Variants in THADA observed in about 807,000 individuals in gnomAD.
THADA encodes the protein THADA armadillo repeat containing, also known as tRNA (32-2'-O)-methyltransferase regulator THADA.
In THADA, 213 loss-of-function variants were observed where a neutral mutation model predicts 219.8. The ratio of observed to expected loss-of-function variants is 0.97; its 90% CI spans 0.87 to 1.09. THADA has a LOEUF of 1.09. THADA is among the 50% of genes least tolerant of loss of function. The pLI, the probability that THADA is intolerant of heterozygous loss-of-function variation, is 0.00. For synonymous variants in THADA, 1,018 were observed against 828.9 expected, an observed-to-expected ratio of 1.23 and a Z score of -3.92; for missense variants, 2,956 against 2,311.3, an observed-to-expected ratio of 1.28 and a Z score of -5.72.
At chr2:43,394,882 T>TTC (rs1248420967) in intron 29 of THADA, among the ~76,000 whole-genome samples, 2 of 152,222 alleles carry the variant, frequency 1.3e-5, no homozygotes, top group Non-Finnish European at 2.9e-5. Flanking sequence ...CAACAAGCCC[T>TTC]TCATCCCACC....
chr2:43,567,403 G>A (rs1397365494), intron 14 of THADA, among the ~76,000 whole-genome samples: 3 of 152,146 alleles, frequency 2.0e-5, no homozygotes, highest in Non-Finnish European at 2.9e-5. Context: ...GCCGAGGTGG[G>A]CAGATCACCT....
intron 26 of THADA, among the ~76,000 whole-genome samples, chr2:43,432,723 G>C (rs1002039345): frequency 6.6e-6 from 1 of 152,086 alleles, no homozygotes; most frequent in African/African-American, 2.4e-5. Flanking sequence ...CCATCCTTGT[G>C]GGTATGCAAC....
intron 26 of THADA, among the ~76,000 whole-genome samples, chr2:43,458,805 T>G: frequency 6.6e-6 from 1 of 152,208 alleles, no homozygotes; most frequent in East Asian, 1.9e-4. Context: ...TTGAGATTCC[T>G]AAAGGGGGAT....
intron 29 of THADA, among the ~76,000 whole-genome samples, chr2:43,368,439 C>T (rs752816200): frequency 2.0e-5 from 3 of 152,114 alleles, no homozygotes; most frequent in Non-Finnish European, 2.9e-5. Flanking sequence ...CTCTGTCGCC[C>T]GGGCTGGAGT....
At chr2:43,290,246 A>G (rs144752543) in intron 34 of THADA, among the ~76,000 whole-genome samples, 1 of 151,266 alleles carries the variant, frequency 6.6e-6, no homozygotes, top group African/African-American at 2.4e-5. Context: ...TGCTGGGATT[A>G]CAGGTGTGAA....
In THADA at chr2:43,286,969, G is replaced by C. The variant is rs377178020; in HGVS notation, c.5103C>G (p.Ala1701=). Residue 1701 remains alanine, a synonymous_variant, in exon 35 of 38, where the codon GCC becomes GCG. Coordinates refer to ENST00000405975, the MANE Select transcript of THADA (RefSeq NM_022065.5). The part of the protein sequence containing the change: ...EDHLPTESRL[A]VVEVLTSTTP... The stretch of plus-strand genomic sequence containing the variant: ...TAGTACTGGTGAGGACTTCAACGAC[G>C]GCCAGCCTAGACTCTGTAGGAAGAT... 6.2e-7 allele frequency: 1 copy of C among 1,613,938 alleles called. No individual in the cohort carries two copies. The highest frequency in any genetic ancestry group is 8.5e-7 in the Non-Finnish European group (1 of 1,179,866).
chr2:43,234,567 C>T (rs921082336), intron 36 of THADA, among the ~76,000 whole-genome samples: 1 of 152,216 alleles, frequency 6.6e-6, no homozygotes, highest in Admixed American at 6.5e-5. Context: ...CCATTTTTAC[C>T]TCTACCTAAC....
intron 29 of THADA, among the ~76,000 whole-genome samples, chr2:43,395,901 C>T (rs550970004): frequency 2.0e-5 from 3 of 152,206 alleles, no homozygotes; most frequent in South Asian, 2.1e-4. Context: ...GGACTACAGG[C>T]GTGCACCACC....
At chr2:43,433,633 C>A (rs142327068) in intron 26 of THADA, among the ~76,000 whole-genome samples, 1 of 152,126 alleles carries the variant, frequency 6.6e-6, no homozygotes, top group Non-Finnish European at 1.5e-5. Flanking sequence ...ATAAATGCAA[C>A]GCAATTCCAA....
intron 29 of THADA, 79 bp from the exon 30 acceptor site, chr2:43,344,316 C>G: frequency 1.0e-6 from 1 of 994,332 alleles, no homozygotes. Context: ...TTTAAGTTTC[C>G]TTAAAATGTT....
Position 43,241,087 on chromosome 2 carries a change from C to CT in THADA, c.5297-8206dup, listed in dbSNP as rs1042965177. Among the ~76,000 whole-genome samples the CT allele has an allele frequency of 4.6e-5, 7 of 151,880 alleles. No individual in the cohort carries two copies. The East Asian group carries it at 1.4e-3, about 29-fold the overall frequency. On this transcript the variant is annotated intron_variant, in intron 36 of 37. Transcript: ENST00000405975. ...ACCGGGCCCAGGTGGACCCCTCTTC[C>CT]TTTTTTTTATGTTTATTTTTTTGAG...
At chr2:43,543,263 C>G (rs1695565575) in intron 20 of THADA, among the ~76,000 whole-genome samples, 1 of 131,480 alleles carries the variant, frequency 7.6e-6, no homozygotes, top group Non-Finnish European at 1.6e-5. Flanking sequence ...TTTTCTTAAT[C>G]CAGTCTATCA....
chr2:43,243,825 A>T (rs559950113), intron 36 of THADA, among the ~76,000 whole-genome samples: 2 of 152,328 alleles, frequency 1.3e-5, no homozygotes, highest in Admixed American at 6.5e-5. Flanking sequence ...CTATTTTCAA[A>T]TGGAACAAAT....
chr2:43,578,404 C>G, intron 9 of THADA, 109 bp downstream of exon 9: 1 of 722,242 alleles, frequency 1.4e-6, no homozygotes, highest in Non-Finnish European at 2.2e-6. Context: ...GCCCTGGCCT[C>G]CCAAAGTGTT....
rs1558464744 is a variant in THADA at position 43,248,209 on chromosome 2, A to AGG, written c.5297-15328_5297-15327insCC. Among the ~76,000 whole-genome samples the AGG allele has an allele frequency of 2.9e-3, 368 of 128,874 alleles. 2 individuals are homozygous for AGG. The highest frequency in any genetic ancestry group is 0.015 in the East Asian group (57 of 3,912). The allele number at this position is 128,874 out of a possible 152,430, so 84.5% of individuals were successfully genotyped here. On this transcript the variant is annotated intron_variant, in intron 36 of 37. Coordinates refer to ENST00000405975, the MANE Select transcript of THADA (RefSeq NM_022065.5). ...GAGAGAGAGAGAGAGAGAGAGAGAG[A>AGG]GAGAGACAGAGAGAGAGAGAGACAG...
intron 28 of THADA, among the ~76,000 whole-genome samples, chr2:43,418,810 G>A (rs540648683): frequency 6.6e-6 from 1 of 152,244 alleles, no homozygotes; most frequent in Admixed American, 6.5e-5. Flanking sequence ...GGCCAGAGAA[G>A]CCACAGAAGA....
intron 30 of THADA, 63 bp from the exon 31 acceptor site, chr2:43,320,603 A>G: frequency 8.0e-7 from 1 of 1,250,322 alleles, no homozygotes; most frequent in Non-Finnish European, 1.1e-6. Flanking sequence ...GGGTCTCAGG[A>G]AGGAGAACAT....
At chr2:43,337,073 G>T (rs1447749546) in intron 30 of THADA, among the ~76,000 whole-genome samples, 4 of 152,170 alleles carry the variant, frequency 2.6e-5, no homozygotes, top group African/African-American at 9.7e-5. Flanking sequence ...AAAAAGAAAT[G>T]TAAATCCTCC....
intron 19 of THADA, among the ~76,000 whole-genome samples, 177 bp downstream of exon 19, chr2:43,551,612 A>G (rs1357153607): frequency 1.6e-5 from 2 of 121,866 alleles, no homozygotes; most frequent in Non-Finnish European, 3.4e-5. Flanking sequence ...TTTTTTTGCT[A>G]CTTTTTAATA....
Sources: gnomAD v4.1 joint callset for allele counts (sites outside exome capture counted in the v4.1 genomes callset) on GRCh38, gnomAD v4.1.1 for gene constraint, MANE v1.5 for transcripts, NCBI Gene and HGNC (gene_info 2026-07-23, HGNC 2026-07-21) for gene names.